The following MAP2K3 variants were observed in gnomAD, a reference collection of about 807,000 sequenced individuals.
MAP2K3 encodes the protein dual specificity mitogen-activated protein kinase kinase 3.
Under a neutral mutation model 46.4 loss-of-function variants are expected in MAP2K3, and 30 were observed. That is an observed-to-expected ratio of 0.65 (90% CI 0.48 to 0.88). The LOEUF is 0.88. MAP2K3 is among the 40% of genes least tolerant of loss of function. The probability of loss-of-function intolerance (pLI) is 0.00; values close to 1 mark genes in which losing one functional copy is unlikely to be tolerated. For missense variants in MAP2K3, 380 were observed against 464.5 expected (o/e 0.82, Z 1.67); for synonymous variants, 189 against 176.3 (o/e 1.07, Z -0.57).
chr17:21,306,014 A>T (rs897839194), intron 9 of MAP2K3, among the ~76,000 whole-genome samples: 80 of 152,266 alleles, frequency 5.3e-4, no homozygotes, highest in Non-Finnish European at 8.8e-4. Flanking sequence ...AGATAGAATC[A>T]GTAAGATGTG....
chr17:21,300,270 C>G (rs1284977828), intron 3 of MAP2K3, among the ~76,000 whole-genome samples: 1 of 152,310 alleles, frequency 6.6e-6, no homozygotes, highest in African/African-American at 2.4e-5. Context: ...ACCTCTTTCT[C>G]AGAGCTGTAC....
Position 21,291,346 on chromosome 17 carries a change from T to TACAAC in MAP2K3, c.49+6405_49+6409dup, listed in dbSNP as rs71160134. On this transcript the variant is annotated intron_variant, in intron 1 of 11. Coordinates refer to ENST00000342679, the MANE Select transcript of MAP2K3 (RefSeq NM_145109.3). The stretch of plus-strand genomic sequence containing the variant: ...TACAATAGAATACAGTACAATACAA[T>TACAAC]ACAACACAACACAACACAACACAAC... The TACAAC allele has an allele frequency of 4.1e-3, 1,413 of 343,364 alleles. 12 individuals carry two copies. The highest frequency in any genetic ancestry group is 0.013 in the African/African-American group (579 of 44,246). The allele number at this position is 343,364 out of a possible 1,614,324, so 21.3% of individuals were successfully genotyped here.
intron 4 of MAP2K3, 46 bp downstream of exon 4, chr17:21,300,704 G>C (rs548881323): frequency 4.4e-6 from 7 of 1,594,710 alleles, no homozygotes; most frequent in South Asian, 1.1e-5. Context: ...TGGAGGAGGC[G>C]GGCTGAGCTC....
intron 1 of MAP2K3, 57 bp from the exon 2 acceptor site, chr17:21,298,356 G>A (rs1254374483): frequency 6.2e-7 from 1 of 1,610,640 alleles, no homozygotes; most frequent in South Asian, 1.1e-5. Flanking sequence ...TCATGGGAGT[G>A]CAGGGGACAT....
At chr17:21,304,014 C>G (rs2144606720) in intron 7 of MAP2K3, among the ~76,000 whole-genome samples, 1 of 152,292 alleles carries the variant, frequency 6.6e-6, no homozygotes, top group East Asian at 1.9e-4. Flanking sequence ...GTGGGGACTC[C>G]ATGTCCAAAC....
At chr17:21,290,146 C>T (rs1020807229) in intron 1 of MAP2K3, among the ~76,000 whole-genome samples, 5 of 152,248 alleles carry the variant, frequency 3.3e-5, no homozygotes, top group African/African-American at 1.2e-4. Context: ...GGCTGCCTCA[C>T]TGGGGCAGGG....
intron 9 of MAP2K3, among the ~76,000 whole-genome samples, chr17:21,307,599 T>C (rs1216300669): frequency 6.6e-6 from 1 of 151,968 alleles, no homozygotes; most frequent in African/African-American, 2.4e-5. Context: ...GGGTAGAGAG[T>C]TGACGCAGGT....
intron 10 of MAP2K3, among the ~76,000 whole-genome samples, chr17:21,312,838 C>T (rs557253989): frequency 1.3e-5 from 2 of 151,638 alleles, no homozygotes; most frequent in Non-Finnish European, 1.5e-5. Context: ...TCGCTTGAAC[C>T]CGGGAGCCGG....
intron 5 of MAP2K3, 44 bp from the exon 6 acceptor site, chr17:21,302,099 C>T (rs781483532): frequency 6.6e-5 from 106 of 1,601,784 alleles, no homozygotes; most frequent in Admixed American, 3.5e-4. Flanking sequence ...GGTGCAGACA[C>T]GGGCAGCCCG....
Position 21,299,598 on chromosome 17 carries a change from C to T in MAP2K3, c.165+672C>T, listed in dbSNP as rs1976472605. On this transcript the variant is annotated intron_variant, in intron 3 of 11. Transcript: ENST00000342679. ...TTGAGAGTATGAGGTAGGAGGATTG[C>T]TTGAACCCAGGAGGTGGATGTTGCA... Among the ~76,000 whole-genome samples, 3 of 152,194 alleles carry T rather than the reference C, an allele frequency of 2.0e-5. No individual in the cohort carries two copies. The South Asian group carries it at 6.2e-4, about 31-fold the overall frequency.
chr17:21,291,288 GAATAC>G (rs1368074053), intron 1 of MAP2K3: 27 of 11,262 alleles, frequency 2.4e-3, no homozygotes, highest in South Asian at 7.9e-3. Context: ...CAATACAATA[GAATAC>G]AATACAATAG....
intron 9 of MAP2K3, among the ~76,000 whole-genome samples, chr17:21,307,198 C>T (rs919438175): frequency 6.6e-6 from 1 of 152,276 alleles, no homozygotes; most frequent in Non-Finnish European, 1.5e-5. Flanking sequence ...GGAGCAGCCC[C>T]ATCTGAGGCT....
intron 1 of MAP2K3, among the ~76,000 whole-genome samples, chr17:21,297,951 C>T (rs1976353660): frequency 6.6e-6 from 1 of 152,306 alleles, no homozygotes; most frequent in African/African-American, 2.4e-5. Context: ...TTTCTGGGGG[C>T]CTGGCCTTCC....
chr17:21,302,324 C>G (rs2144593307), intron 6 of MAP2K3, 65 bp downstream of exon 6: 3 of 1,506,160 alleles, frequency 2.0e-6, no homozygotes, highest in Non-Finnish European at 2.8e-6. Flanking sequence ...GCCCTGCCAG[C>G]AGGCATGGAG....
chr17:21,289,227 G>A (rs1975812948), intron 1 of MAP2K3, among the ~76,000 whole-genome samples: 1 of 152,200 alleles, frequency 6.6e-6, no homozygotes, highest in South Asian at 2.1e-4. Context: ...CTGGCCTCCT[G>A]GGCCTCCCTT....
intron 1 of MAP2K3, chr17:21,296,251 A>G: frequency 8.1e-7 from 1 of 1,230,174 alleles, no homozygotes; most frequent in African/African-American, 1.5e-5. Context: ...GTACATGAGG[A>G]ACCCAAGGTG....
intron 1 of MAP2K3, chr17:21,296,004 G>C: frequency 7.9e-7 from 1 of 1,272,396 alleles, no homozygotes; most frequent in South Asian, 1.2e-5. Flanking sequence ...TTTATATTCT[G>C]GTTACGAAAA....
rs1976646246 is a variant in MAP2K3 at position 21,302,234 on chromosome 17, A to G, written c.491A>G (p.Asp164Gly). Residue 164 changes from aspartate (D) to glycine (G), a missense_variant, in exon 6 of 12, where the codon GAC (aspartate) becomes GGC (glycine). By Grantham distance (94) the Asp-to-Gly change is moderately conservative. Transcript: ENST00000342679. Reference protein sequence around the residue: ...VLDKNMTIPEDILGEIAVSIV... With the variant: ...VLDKNMTIPEGILGEIAVSIV... Reference sequence around the variant, plus strand: ...GATAAAAACATGACAATTCCAGAGGACATCCTTGGGGAGATTGCTGTGTCT... The same window carrying G: ...GATAAAAACATGACAATTCCAGAGGGCATCCTTGGGGAGATTGCTGTGTCT... 2 of 1,495,494 alleles carry G rather than the reference A, an allele frequency of 1.3e-6. No individual in the cohort carries two copies. Among genetic ancestry groups the G allele is most frequent in the Non-Finnish European group, 1.8e-6 (2 of 1,105,410 alleles). 92.6% of individuals were successfully genotyped at this position (1,495,494 alleles called of 1,614,324 possible).
At chr17:21,297,066 G>A (rs2144533747) in intron 1 of MAP2K3, among the ~76,000 whole-genome samples, 2 of 152,428 alleles carry the variant, frequency 1.3e-5, no homozygotes, top group South Asian at 4.1e-4. Flanking sequence ...ATGGACCCTG[G>A]GACCCCTGTC....
Sources: allele counts gnomAD v4.1 joint callset (sites outside exome capture counted in the v4.1 genomes callset), GRCh38; gene constraint gnomAD v4.1.1; transcripts MANE v1.5; gene names NCBI Gene and HGNC (gene_info 2026-07-23, HGNC 2026-07-21).